TIAM1: variants seen among roughly 807,000 people sequenced by gnomAD.
TIAM1 encodes rho guanine nucleotide exchange factor TIAM1.
In TIAM1, 65 loss-of-function variants were observed where a neutral mutation model predicts 163.5. The ratio of observed to expected loss-of-function variants is 0.40; its 90% CI spans 0.33 to 0.49. The LOEUF (loss-of-function observed/expected upper bound fraction) is 0.49, where lower values mean the gene tolerates loss of function less well. Among genes scored for constraint, TIAM1 ranks in the 20% least tolerant of loss-of-function variants. The pLI, the probability that TIAM1 is intolerant of heterozygous loss-of-function variation, is 0.77. For missense variants in TIAM1, 1,789 were observed against 2,044.7 expected (o/e 0.87, Z 2.41); for synonymous variants, 833 against 810.1 (o/e 1.03, Z -0.48).
chr21:31,229,571 C>T (rs906708232), intron 6 of TIAM1, among the ~76,000 whole-genome samples: 13 of 152,012 alleles, frequency 8.6e-5, no homozygotes, highest in Non-Finnish European at 4.4e-5. Context: ...GTTCCTTGAC[C>T]CGAAACATGC....
chr21:31,391,932 A>G (rs558686918), intron 2 of TIAM1, among the ~76,000 whole-genome samples: 1 of 152,316 alleles, frequency 6.6e-6, no homozygotes, highest in African/African-American at 2.4e-5. Flanking sequence ...ATCATACTTT[A>G]AGTACCCATA....
At chr21:31,228,232 A>ATT (rs1569068652) in intron 6 of TIAM1, among the ~76,000 whole-genome samples, 1 of 107,636 alleles carries the variant, frequency 9.3e-6, no homozygotes, top group East Asian at 2.2e-4. Flanking sequence ...AAAAAAAAAA[A>ATT]AAAAAAAAAA....
chr21:31,468,797 G>A (rs867189400), intron 1 of TIAM1, among the ~76,000 whole-genome samples: 1 of 152,050 alleles, frequency 6.6e-6, no homozygotes, highest in Non-Finnish European at 1.5e-5. Flanking sequence ...ACCTAGAAGG[G>A]CGACGTGCTA....
At chr21:31,468,757 C>A (rs1166155328) in intron 1 of TIAM1, among the ~76,000 whole-genome samples, 3 of 152,026 alleles carry the variant, frequency 2.0e-5, no homozygotes, top group African/African-American at 7.3e-5. Context: ...GCCTGGGTGA[C>A]AGAGCGAGAC....
At chr21:31,389,368 C>T (rs2076931537) in intron 2 of TIAM1, among the ~76,000 whole-genome samples, 1 of 152,100 alleles carries the variant, frequency 6.6e-6, no homozygotes, top group Non-Finnish European at 1.5e-5. Context: ...TCCACCACAC[C>T]CAGCTAATTT....
intron 2 of TIAM1, among the ~76,000 whole-genome samples, chr21:31,451,246 T>C (rs1004569215): frequency 6.6e-6 from 1 of 152,078 alleles, no homozygotes; most frequent in African/African-American, 2.4e-5. Flanking sequence ...GCACCATCCA[T>C]CACACTGTGG....
intron 19 of TIAM1, 62 bp from the exon 20 acceptor site, chr21:31,147,065 G>C: frequency 7.0e-7 from 1 of 1,433,960 alleles, no homozygotes; most frequent in Non-Finnish European, 9.8e-7. Flanking sequence ...ATATCAGCAG[G>C]TTATGGCAGG....
At chr21:31,384,807 A>G (rs1310500276) in intron 2 of TIAM1, among the ~76,000 whole-genome samples, 1 of 152,224 alleles carries the variant, frequency 6.6e-6, no homozygotes, top group African/African-American at 2.4e-5. Flanking sequence ...TTAGTGGTAC[A>G]TGGAAAACCA....
intron 20 of TIAM1, among the ~76,000 whole-genome samples, chr21:31,143,599 G>A (rs1030613535): frequency 6.6e-6 from 1 of 151,650 alleles, no homozygotes; most frequent in South Asian, 2.1e-4. Context: ...GATTTTATTA[G>A]AAAGTTTAAA....
At chr21:31,207,105 A>G (rs2086487522) in intron 11 of TIAM1, among the ~76,000 whole-genome samples, 1 of 152,222 alleles carries the variant, frequency 6.6e-6, no homozygotes, top group African/African-American at 2.4e-5. Flanking sequence ...CATGTGAATA[A>G]TATCAGTAGG....
In TIAM1 at chr21:31,192,566, G is replaced by A. The variant is rs1048643339; in HGVS notation, c.2575+2658C>T. 3.3e-5 allele frequency among the ~76,000 whole-genome samples: 5 copies of A among 151,912 alleles called. 1 individual carries two copies. The East Asian group carries it at 7.7e-4, about 23-fold the overall frequency. Reference sequence around the variant, plus strand: ...GCAGAGGTTGGAGTGAGCTGAGATCGCGCCACTGCACTTCAGCCTGGGCGA... The same window carrying A: ...GCAGAGGTTGGAGTGAGCTGAGATCACGCCACTGCACTTCAGCCTGGGCGA... On this transcript the variant is annotated intron_variant, in intron 13 of 27. Transcript: ENST00000541036.
At chr21:31,157,612 C>G (rs1854039116) in intron 16 of TIAM1, among the ~76,000 whole-genome samples, 1 of 152,074 alleles carries the variant, frequency 6.6e-6, no homozygotes, top group African/African-American at 2.4e-5. Context: ...CATTCCATCA[C>G]AGGGTGCACA....
chr21:31,285,243 A>G (rs1210714590), intron 2 of TIAM1, among the ~76,000 whole-genome samples: 2 of 151,954 alleles, frequency 1.3e-5, no homozygotes, highest in East Asian at 3.9e-4. Context: ...GGGTGTGGCC[A>G]CTCTGGAATC....
chr21:31,178,596 G>A lies in TIAM1; in HGVS notation c.2887+3825C>T, dbSNP rs1030202367. Among the ~76,000 whole-genome samples, 6 of 150,802 alleles carry A rather than the reference G, an allele frequency of 4.0e-5. No homozygotes were observed. The East Asian group carries it at 6.0e-4, about 15-fold the overall frequency. ...GCTGGGATTACAGGCGCGAGCCACT[G>A]AGCCCGGCCAGGAATTCTTCTGAAA... On this transcript the variant is annotated intron_variant, in intron 15 of 27. Transcript: ENST00000541036.
chr21:31,552,282 C>T (rs1191686175), intron 1 of TIAM1, among the ~76,000 whole-genome samples: 3 of 151,564 alleles, frequency 2.0e-5, no homozygotes, highest in African/African-American at 7.3e-5. Flanking sequence ...ACAATCAAAT[C>T]GAACTTTGCA....
intron 19 of TIAM1, among the ~76,000 whole-genome samples, chr21:31,149,522 C>T (rs936212768): frequency 7.2e-5 from 11 of 152,156 alleles, no homozygotes; most frequent in Non-Finnish European, 2.9e-5. Context: ...ACACTCAAGT[C>T]TATATCAAAG....
intron 2 of TIAM1, among the ~76,000 whole-genome samples, chr21:31,320,492 CA>C (rs969918977): frequency 2.5e-4 from 38 of 151,684 alleles, no homozygotes; most frequent in Non-Finnish European, 4.7e-4. Flanking sequence ...TATCATTAGT[CA>C]AAAAAAATCC....
At chr21:31,496,490 CTA>C (rs2046649922) in intron 1 of TIAM1, among the ~76,000 whole-genome samples, 1 of 144,556 alleles carries the variant, frequency 6.9e-6, no homozygotes, top group South Asian at 2.2e-4. Context: ...AAAATGGAAA[CTA>C]TCTTTTGTAC....
chr21:31,177,195 A>C (rs1658579790), intron 15 of TIAM1, among the ~76,000 whole-genome samples: 1 of 152,174 alleles, frequency 6.6e-6, no homozygotes, highest in Admixed American at 6.5e-5. Flanking sequence ...TTTGGTCCTC[A>C]CAACAGCCCA....
Sources: allele counts gnomAD v4.1 joint callset (sites outside exome capture counted in the v4.1 genomes callset), GRCh38; gene constraint gnomAD v4.1.1; transcripts MANE v1.5; gene names NCBI Gene and HGNC (gene_info 2026-07-23, HGNC 2026-07-21).